The following TOGARAM2 variants were observed in gnomAD, a reference collection of about 807,000 sequenced individuals.
TOGARAM2 encodes TOG array regulator of axonemal microtubules protein 2.
In TOGARAM2, 85 loss-of-function variants were observed where a neutral mutation model predicts 93.3. That is an observed-to-expected ratio of 0.91 (90% CI 0.76 to 1.09). The LOEUF is 1.09. Ranked by LOEUF, TOGARAM2 falls within the 50% of genes least tolerant of loss-of-function variation. The pLI, the probability that TOGARAM2 is intolerant of heterozygous loss-of-function variation, is 0.00. For missense variants in TOGARAM2, 1,277 were observed against 1,334.5 expected (o/e 0.96, Z 0.67); for synonymous variants, 593 against 552.8 (o/e 1.07, Z -1.02).
chr2:28,998,012 A>G, intron 2 of TOGARAM2, 131 bp from the exon 3 acceptor site: 1 of 565,712 alleles, frequency 1.8e-6, no homozygotes, highest in Admixed American at 3.8e-5. Context: ...GGGCCACCAC[A>G]TGCCTTGGTT....
intron 8 of TOGARAM2, among the ~76,000 whole-genome samples, chr2:29,016,894 G>C (rs1295013315): frequency 6.6e-6 from 1 of 152,216 alleles, no homozygotes; most frequent in Non-Finnish European, 1.5e-5. Context: ...TCCTCGGGGA[G>C]TCCCTAGGGA....
At chr2:29,037,847 A>AT (rs1350195887) in intron 18 of TOGARAM2, among the ~76,000 whole-genome samples, 1 of 152,232 alleles carries the variant, frequency 6.6e-6, no homozygotes, top group Non-Finnish European at 1.5e-5. Flanking sequence ...GCTCTGGGTA[A>AT]GTGAGATTGC....
chr2:28,993,489 T>C (rs1672838245), intron 1 of TOGARAM2, among the ~76,000 whole-genome samples: 1 of 152,218 alleles, frequency 6.6e-6, no homozygotes, highest in Non-Finnish European at 1.5e-5. Flanking sequence ...GAATAGAATC[T>C]TCCCTCGCCT....
intron 4 of TOGARAM2, among the ~76,000 whole-genome samples, chr2:29,002,112 G>C (rs1244376548): frequency 6.6e-6 from 1 of 152,116 alleles, no homozygotes; most frequent in Non-Finnish European, 1.5e-5. Flanking sequence ...GAAAAGGAAG[G>C]GGAAACAGTG....
At chr2:29,009,363 C>T (rs776762467) in intron 6 of TOGARAM2, among the ~76,000 whole-genome samples, 6 of 152,268 alleles carry the variant, frequency 3.9e-5, no homozygotes, top group Admixed American at 2.0e-4. Context: ...CAAAGGCTTT[C>T]GGGTGTGAAA....
intron 10 of TOGARAM2, among the ~76,000 whole-genome samples, chr2:29,019,967 G>A (rs376408674): frequency 4.9e-4 from 75 of 152,346 alleles, no homozygotes; most frequent in African/African-American, 1.6e-3. Context: ...ATTTCTCAGC[G>A]AGGCAAATTT....
chr2:29,031,085 A>G (rs867139267), intron 14 of TOGARAM2, among the ~76,000 whole-genome samples: 9 of 152,256 alleles, frequency 5.9e-5, no homozygotes, highest in Admixed American at 2.6e-4. Flanking sequence ...TAAAATTGGC[A>G]TGTATCTTAC....
At chr2:29,038,092 A>T (rs1666225573) in intron 18 of TOGARAM2, among the ~76,000 whole-genome samples, 1 of 152,118 alleles carries the variant, frequency 6.6e-6, no homozygotes. Context: ...AGTGTCTCAT[A>T]CTGTCACAAG....
intron 1 of TOGARAM2, among the ~76,000 whole-genome samples, chr2:28,972,718 G>A (rs536688506): frequency 3.3e-5 from 5 of 152,292 alleles, no homozygotes; most frequent in East Asian, 1.9e-4. Context: ...GGAATAGAAC[G>A]TAGGCTCCAC....
rs140331289 is a variant in TOGARAM2, at chr2:28,972,105, T to C, written c.-147+15408T>C. Among the ~76,000 whole-genome samples the C allele has an allele frequency of 3.9e-3, 598 of 152,304 alleles. 2 individuals carry two copies. The highest frequency in any genetic ancestry group is 0.014 in the African/African-American group (578 of 41,556). ...TATTTATTTATTCACATTTTATTTT[T>C]TGAGACAGGGTCTCACTCTGTCGCC... On this transcript the variant is annotated intron_variant, in intron 1 of 6. Coordinates refer to the TOGARAM2 transcript ENST00000401723.
rs892508913 is a variant in TOGARAM2, at chr2:29,006,327, TGC to T, written c.830+2646_830+2647del. On this transcript the variant is annotated intron_variant, in intron 6 of 19. Transcript: ENST00000379558. The stretch of plus-strand genomic sequence containing the variant: ...TGTGAGTGCCTGTGTGTGGAGTGTG[TGC>T]ATGTGTGTGTATGTGTGTATGTGTG... Among the ~76,000 whole-genome samples the T allele has an allele frequency of 6.9e-5, 10 of 144,548 alleles. No homozygotes were observed. The East Asian group carries it at 1.7e-3, about 24-fold the overall frequency. 94.8% of individuals were successfully genotyped at this position (144,548 alleles called of 152,430 possible).
At chr2:29,040,964 G>A (rs1465913688) in intron 18 of TOGARAM2, among the ~76,000 whole-genome samples, 1 of 151,464 alleles carries the variant, frequency 6.6e-6, no homozygotes, top group Non-Finnish European at 1.5e-5. Flanking sequence ...ATTTGGATTC[G>A]CATCCTGCTT....
chr2:29,006,905 C>T (rs543225936), intron 6 of TOGARAM2, among the ~76,000 whole-genome samples: 1 of 152,182 alleles, frequency 6.6e-6, no homozygotes, highest in Non-Finnish European at 1.5e-5. Flanking sequence ...TGGCCCCAGA[C>T]CTGTGGCCTT....
At chr2:28,984,229 A>C (rs1386399330) in intron 1 of TOGARAM2, among the ~76,000 whole-genome samples, 4 of 151,980 alleles carry the variant, frequency 2.6e-5, no homozygotes, top group African/African-American at 9.7e-5. Context: ...TTTCTCTTCA[A>C]CAAAACAAAG....
intron 1 of TOGARAM2, among the ~76,000 whole-genome samples, chr2:28,983,677 G>A (rs1037669967): frequency 3.3e-5 from 5 of 152,138 alleles, no homozygotes; most frequent in Admixed American, 3.3e-4. Context: ...GTTCCTAGGA[G>A]TGGAATTGCT....
intron 1 of TOGARAM2, among the ~76,000 whole-genome samples, chr2:28,991,291 G>A (rs1270384070): frequency 3.9e-5 from 6 of 152,146 alleles, no homozygotes; most frequent in Non-Finnish European, 7.3e-5. Flanking sequence ...TGTTCTGGGA[G>A]TTCTGAGTTG....
At chr2:29,028,038 G>A (rs1282694447) in intron 14 of TOGARAM2, among the ~76,000 whole-genome samples, 1 of 152,184 alleles carries the variant, frequency 6.6e-6, no homozygotes, top group African/African-American at 2.4e-5. Context: ...ATGAGGAGGT[G>A]TTGGAGGATT....
At chr2:29,026,706 T>A in intron 13 of TOGARAM2, 147 bp from the exon 14 acceptor site, 1 of 798,158 alleles carries the variant, frequency 1.3e-6, no homozygotes, top group South Asian at 2.8e-5. Flanking sequence ...CCTCAAAGAT[T>A]CCCCTCAGCT....
rs187806072 is a variant in TOGARAM2 at position 29,041,534 on chromosome 2, T to C, written c.2636-3790T>C. 5.3e-5 allele frequency among the ~76,000 whole-genome samples: 8 copies of C among 152,358 alleles called. No individual in the cohort carries two copies. The East Asian group carries it at 1.4e-3, about 26-fold the overall frequency. On this transcript the variant is annotated intron_variant, in intron 18 of 19. Transcript: ENST00000379558. ...CTCCAGTTTCCTTGCTACCATGTTT[T>C]CTACGCTTTCTTAAAAGCTCTTATC...
Sources: allele counts gnomAD v4.1 joint callset (sites outside exome capture counted in the v4.1 genomes callset), GRCh38; gene constraint gnomAD v4.1.1; transcripts MANE v1.5; gene names NCBI Gene and HGNC (gene_info 2026-07-23, HGNC 2026-07-21).